The following TENM4 variants were observed in gnomAD, a reference collection of about 807,000 sequenced individuals.
TENM4 encodes teneurin transmembrane protein 4.
Under a neutral mutation model 243.3 loss-of-function variants are expected in TENM4, and 82 were observed. The observed-to-expected ratio is 0.34, with a 90% CI of 0.28 to 0.40. The LOEUF (loss-of-function observed/expected upper bound fraction) is 0.40. Ranked by LOEUF, TENM4 falls within the 10% of genes least tolerant of loss-of-function variation. The pLI is 1.00. For missense variants in TENM4, 3,138 were observed against 3,673.3 expected, an observed-to-expected ratio of 0.85 and a Z score of 3.77; for synonymous variants, 1,412 against 1,456.3, an observed-to-expected ratio of 0.97 and a Z score of 0.69.
chr11:79,158,459 G>A (rs904052914), intron 3 of TENM4, among the ~76,000 whole-genome samples: 1 of 152,122 alleles, frequency 6.6e-6, no homozygotes, highest in African/African-American at 2.4e-5. Flanking sequence ...GAAGCCTCCA[G>A]GTCCTTACCT....
intron 25 of TENM4, among the ~76,000 whole-genome samples, chr11:78,719,453 C>T (rs1411914545): frequency 6.6e-6 from 1 of 152,058 alleles, no homozygotes; most frequent in Non-Finnish European, 1.5e-5. Context: ...AATAATGAAG[C>T]TACTTCAATT....
rs1159006592 is a variant in TENM4 at position 79,274,143 on chromosome 11, G to A, written c.-265+23345C>T. On this transcript the variant is annotated intron_variant, in intron 2 of 33. Coordinates refer to ENST00000278550, the MANE Select transcript of TENM4 (RefSeq NM_001098816.3). Reference sequence around the variant, plus strand: ...ATGTTAGGAGGGAAGTCCTAATGTGGGGAAGTTACCCAAGCTTGTAGGTGC... The same window carrying A: ...ATGTTAGGAGGGAAGTCCTAATGTGAGGAAGTTACCCAAGCTTGTAGGTGC... Among the ~76,000 whole-genome samples the A allele has an allele frequency of 3.9e-5, 6 of 152,204 alleles. No individual in the cohort carries two copies. The East Asian group carries it at 1.2e-3, about 29-fold the overall frequency.
intron 6 of TENM4, among the ~76,000 whole-genome samples, chr11:78,961,207 G>A (rs1352428499): frequency 1.3e-5 from 2 of 152,206 alleles, no homozygotes; most frequent in Non-Finnish European, 2.9e-5. Context: ...AAAACCTACA[G>A]TGTTATTTGT....
rs75494168 is a variant in TENM4 at position 78,687,932 on chromosome 11, G to C, written c.5260+122C>G. 1,623 of 1,163,718 alleles carry C rather than the reference G, an allele frequency of 1.4e-3. 17 individuals carry two copies. The African/African-American group carries it at 0.022, about 16-fold the overall frequency. 72.1% of individuals were successfully genotyped at this position (1,163,718 alleles called of 1,614,324 possible). On this transcript the variant is annotated intron_variant, in intron 29 of 33. Transcript: ENST00000278550. ...TTTGCAAATTAGGTGATAATACAGA[G>C]AGTTGCAATGCTTTCCTGTTCTTGG...
At chr11:79,306,839 T>G (rs1402437606) in intron 1 of TENM4, among the ~76,000 whole-genome samples, 1 of 152,110 alleles carries the variant, frequency 6.6e-6, no homozygotes, top group African/African-American at 2.4e-5. Flanking sequence ...TGATGCCCCC[T>G]CTGTACAATA....
chr11:78,830,034 ACAC>A, intron 12 of TENM4, among the ~76,000 whole-genome samples: 1 of 152,306 alleles, frequency 6.6e-6, no homozygotes, highest in East Asian at 1.9e-4. Context: ...TCTTCCGCCT[ACAC>A]CACAACACAC....
At chr11:79,133,176 C>T (rs1373793720) in intron 4 of TENM4, among the ~76,000 whole-genome samples, 2 of 152,114 alleles carry the variant, frequency 1.3e-5, no homozygotes, top group African/African-American at 4.8e-5. Context: ...GATATTACAA[C>T]TGACACCACT....
At chr11:78,950,157 A>C (rs1857083467) in intron 6 of TENM4, among the ~76,000 whole-genome samples, 1 of 152,028 alleles carries the variant, frequency 6.6e-6, no homozygotes, top group Non-Finnish European at 1.5e-5. Context: ...CCATTAACCC[A>C]CCTCAGGACA....
chr11:78,705,842 T>A (rs912784294), intron 27 of TENM4, among the ~76,000 whole-genome samples: 3 of 152,200 alleles, frequency 2.0e-5, no homozygotes, highest in Non-Finnish European at 4.4e-5. Flanking sequence ...AACATCTTTC[T>A]CTATATCTAA....
At chr11:79,262,913 A>T (rs1855822707) in intron 2 of TENM4, among the ~76,000 whole-genome samples, 1 of 152,234 alleles carries the variant, frequency 6.6e-6, no homozygotes, top group African/African-American at 2.4e-5. Context: ...TATTCCCTGA[A>T]TTGAGTCGAA....
intron 1 of TENM4, among the ~76,000 whole-genome samples, chr11:79,426,565 G>A (rs955530434): frequency 6.6e-6 from 1 of 152,228 alleles, no homozygotes; most frequent in Non-Finnish European, 1.5e-5. Context: ...GAACCCAGGT[G>A]GTAGCAGTGG....
At chr11:79,420,470 AC>A (rs894260380) in intron 1 of TENM4, among the ~76,000 whole-genome samples, 2 of 152,224 alleles carry the variant, frequency 1.3e-5, no homozygotes, top group African/African-American at 4.8e-5. Context: ...TTCTGAAGAA[AC>A]CCTACTCTTG....
intron 2 of TENM4, among the ~76,000 whole-genome samples, chr11:79,249,768 T>C (rs575545621): frequency 6.6e-6 from 1 of 152,322 alleles, no homozygotes; most frequent in South Asian, 2.1e-4. Flanking sequence ...CTAACAACTC[T>C]CTGCTGGTTT....
chr11:78,657,618 C>A lies in TENM4; in HGVS notation c.*440G>T. The A allele has an allele frequency of 2.9e-6, 1 of 348,474 alleles. No homozygotes were observed. Among genetic ancestry groups the A allele is most frequent in the Non-Finnish European group, 5.4e-6 (1 of 186,714 alleles). The allele number at this position is 348,474 out of a possible 1,614,324, so 21.6% of individuals were successfully genotyped here. A position where few individuals can be genotyped will look rare whatever the true frequency, so the allele number is the denominator to read the frequency against. ...AGGGGTGTTGTACTGGCCCATCACT[C>A]CCTTTACTCCTGCCCGACCCCAGTC... On this transcript the variant is annotated 3_prime_UTR_variant, in exon 34 of 34. Transcript: ENST00000278550.
chr11:78,662,292 A>G (rs1858050812), intron 32 of TENM4, among the ~76,000 whole-genome samples: 1 of 151,758 alleles, frequency 6.6e-6, no homozygotes, highest in African/African-American at 2.4e-5. Flanking sequence ...CCTGGGTTCA[A>G]GCAATTCCCT....
intron 12 of TENM4, among the ~76,000 whole-genome samples, chr11:78,845,959 G>A (rs534844452): frequency 3.2e-4 from 49 of 152,274 alleles, no homozygotes; most frequent in African/African-American, 1.0e-3. Context: ...CGGACTGCAG[G>A]CACGTGGCCA....
chr11:79,068,397 G>A (rs186710016), intron 5 of TENM4: 1 of 152,152 alleles, frequency 6.6e-6, no homozygotes, highest in Non-Finnish European at 1.5e-5. Flanking sequence ...GCTGGGAAAG[G>A]GACTGCTCAT....
intron 6 of TENM4, among the ~76,000 whole-genome samples, chr11:78,952,003 C>T (rs1217895866): frequency 6.6e-6 from 1 of 152,186 alleles, no homozygotes; most frequent in Non-Finnish European, 1.5e-5. Context: ...TAGCCCCACA[C>T]ACCCTGGCAC....
chr11:79,224,167 C>T (rs991541174), intron 2 of TENM4, among the ~76,000 whole-genome samples: 9 of 152,130 alleles, frequency 5.9e-5, no homozygotes, highest in African/African-American at 1.7e-4. Flanking sequence ...TATCAATTCT[C>T]TATGATTTAG....
Sources: gnomAD v4.1 joint callset for allele counts (sites outside exome capture counted in the v4.1 genomes callset) on GRCh38, gnomAD v4.1.1 for gene constraint, MANE v1.5 for transcripts, NCBI Gene and HGNC (gene_info 2026-07-23, HGNC 2026-07-21) for gene names.